Variants in SLC11A2 observed in about 807,000 individuals in gnomAD.
SLC11A2 encodes the protein solute carrier family 11 member 2, also known as natural resistance-associated macrophage protein 2.
A neutral mutation model predicts 68.0 loss-of-function variants in SLC11A2; 38 were observed. The observed-to-expected ratio is 0.56, with a 90% CI of 0.43 to 0.73. The LOEUF (loss-of-function observed/expected upper bound fraction) is 0.73, where lower values mean the gene tolerates loss of function less well. Among genes scored for constraint, SLC11A2 ranks in the 30% least tolerant of loss-of-function variants. SLC11A2 has a pLI of 0.00. For synonymous variants in SLC11A2, 242 were observed against 250.6 expected (o/e 0.97, Z 0.32); for missense variants, 517 against 690.5 (o/e 0.75, Z 2.82).
chr12:50,955,033 T>C, the SLC11A2 span, among the ~76,000 whole-genome samples: 6 of 152,202 alleles, frequency 3.9e-5, no homozygotes, highest in African/African-American at 1.4e-4. Flanking sequence ...GGCTCACTCC[T>C]GTAATCCCAG....
downstream of SLC11A2, among the ~76,000 whole-genome samples, chr12:50,975,804 G>C (rs1040671512): frequency 7.9e-5 from 12 of 152,168 alleles, no homozygotes; most frequent in Admixed American, 7.2e-4. Context: ...AATTGATAAA[G>C]GGGATATCAC....
chr12:51,017,988 A>C (rs1396293943), intron 1 of SLC11A2, among the ~76,000 whole-genome samples: 1 of 152,210 alleles, frequency 6.6e-6, no homozygotes, highest in East Asian at 1.9e-4. Flanking sequence ...TACCCCCCAA[A>C]ACACATACTA....
At chr12:50,972,214 T>C in the SLC11A2 span, among the ~76,000 whole-genome samples, 3 of 152,230 alleles carry the variant, frequency 2.0e-5, no homozygotes, top group African/African-American at 7.2e-5. Flanking sequence ...TCTCAATATG[T>C]ACTCAGCACT....
the SLC11A2 span, chr12:50,954,217 C>T: frequency 1.7e-6 from 1 of 599,982 alleles, no homozygotes; most frequent in African/African-American, 1.9e-5. Flanking sequence ...CTAACCTCCT[C>T]TAAGCATGTG....
intron 5 of SLC11A2, among the ~76,000 whole-genome samples, chr12:51,004,122 ATTT>A (rs1205023656): frequency 6.6e-6 from 1 of 152,158 alleles, no homozygotes; most frequent in Non-Finnish European, 1.5e-5. Flanking sequence ...TATTATCAAG[ATTT>A]TTTTATTTTT....
downstream of SLC11A2, among the ~76,000 whole-genome samples, chr12:50,982,520 G>C (rs533567413): frequency 2.0e-5 from 3 of 152,222 alleles, no homozygotes; most frequent in Admixed American, 6.5e-5. Flanking sequence ...CCAGCTAATC[G>C]GGAGGCTGAG....
chr12:51,012,419 A>G (rs1943308368), intron 1 of SLC11A2, among the ~76,000 whole-genome samples: 1 of 152,226 alleles, frequency 6.6e-6, no homozygotes, highest in Admixed American at 6.5e-5. Flanking sequence ...GAAGGACAAC[A>G]TAGTATTCAT....
intron 1 of SLC11A2, among the ~76,000 whole-genome samples, chr12:51,015,188 G>C (rs1364312439): frequency 7.5e-6 from 1 of 133,046 alleles, no homozygotes; most frequent in Non-Finnish European, 1.6e-5. Context: ...AATAAAACTA[G>C]GGAGGGGCCG....
At chr12:50,970,130 T>C in the SLC11A2 span, among the ~76,000 whole-genome samples, 1 of 152,206 alleles carries the variant, frequency 6.6e-6, no homozygotes, top group Non-Finnish European at 1.5e-5. Context: ...TGTTTGCTAA[T>C]TGAGATGACT....
intron 1 of SLC11A2, 102 bp downstream of exon 1, chr12:51,026,208 T>C: frequency 1.7e-6 from 2 of 1,203,906 alleles, no homozygotes; most frequent in South Asian, 1.4e-5. Context: ...TGTCGCATCC[T>C]AGCCCCGGAG....
the SLC11A2 span, among the ~76,000 whole-genome samples, chr12:50,964,734 G>T: frequency 0.17 from 25,525 of 152,220 alleles, 2,562 homozygotes; most frequent in East Asian, 0.5. Context: ...AAAAGCAAAT[G>T]TTATGTTGAT....
At chr12:50,970,160 C>G in the SLC11A2 span, among the ~76,000 whole-genome samples, 2 of 152,210 alleles carry the variant, frequency 1.3e-5, no homozygotes, top group African/African-American at 2.4e-5. Flanking sequence ...ATCTTCACAT[C>G]TGGTCAAATT....
At chr12:50,991,804 C>A (rs1941180398) in intron 13 of SLC11A2, 132 bp from the exon 14 acceptor site, 1 of 761,858 alleles carries the variant, frequency 1.3e-6, no homozygotes, top group Admixed American at 2.1e-5. Flanking sequence ...CCTATCATCC[C>A]AACATGCTTG....
rs143348566 is a variant in SLC11A2, at chr12:51,014,682, G to A, written c.-38-3916C>T. ...GCCTGGCCAACATGGGTGAAACCCC[G>A]TCTCTACTAAAAATACAAACATTAG... On this transcript the variant is annotated intron_variant, in intron 1 of 15. Coordinates refer to ENST00000262052, the MANE Select transcript of SLC11A2 (RefSeq NM_000617.3). 6.1e-3 allele frequency among the ~76,000 whole-genome samples: 907 copies of A among 149,004 alleles called. 29 individuals are homozygous for A. The East Asian group carries it at 0.084, about 14-fold the overall frequency.
chr12:51,022,499 AAT>A (rs1344166790), intron 1 of SLC11A2, among the ~76,000 whole-genome samples: 1 of 151,580 alleles, frequency 6.6e-6, no homozygotes, highest in East Asian at 1.9e-4. Context: ...TGCCTCAGAA[AAT>A]ATGTTTTGTC....
At chr12:50,954,228 T>C in the SLC11A2 span, 12 of 566,528 alleles carry the variant, frequency 2.1e-5, no homozygotes, top group East Asian at 2.6e-4. Context: ...TAAGCATGTG[T>C]TGAACTTTCA....
the SLC11A2 span, among the ~76,000 whole-genome samples, chr12:50,970,954 C>A: frequency 5.5e-4 from 83 of 152,184 alleles, no homozygotes; most frequent in African/African-American, 1.9e-3. Context: ...TCTCCGCTCA[C>A]CGCAACCTCT....
At chr12:50,972,187 C>A in the SLC11A2 span, among the ~76,000 whole-genome samples, 1 of 152,172 alleles carries the variant, frequency 6.6e-6, no homozygotes, top group African/African-American at 2.4e-5. Context: ...AACCAGGCCA[C>A]TGGAAATATT....
chr12:51,020,595 G>GTC lies in SLC11A2; in HGVS notation c.-39+5713_-39+5714dup, dbSNP rs144314513. On this transcript the variant is annotated intron_variant, in intron 1 of 15. Coordinates refer to ENST00000262052, the MANE Select transcript of SLC11A2 (RefSeq NM_000617.3). Reference sequence around the variant, plus strand: ...TATACAATGCGCTTAACATGAACCAGTCTCTCTCTCTCTCTCTGGCATAAT... The same window carrying GTC: ...TATACAATGCGCTTAACATGAACCAGTCTCTCTCTCTCTCTCTCTGGCATAAT... Among the ~76,000 whole-genome samples the GTC allele has an allele frequency of 1.1e-3, 169 of 150,198 alleles. 2 individuals carry two copies. The highest frequency in any genetic ancestry group is 7.2e-3 in the Admixed American group (108 of 15,066).
Sources: gnomAD v4.1 joint callset for allele counts (sites outside exome capture counted in the v4.1 genomes callset) on GRCh38, gnomAD v4.1.1 for gene constraint, MANE v1.5 for transcripts, NCBI Gene and HGNC (gene_info 2026-07-23, HGNC 2026-07-21) for gene names.